SLC25A26: variants seen among roughly 807,000 people sequenced by gnomAD.
The protein encoded by SLC25A26 is solute carrier family 25 member 26.
SLC25A26 carries 36 observed loss-of-function variants against 37.8 expected under a neutral mutation model. The observed-to-expected ratio is 0.95, with a 90% CI of 0.73 to 1.26. The LOEUF is 1.26. Among genes scored for constraint, SLC25A26 ranks in the 50% most tolerant of loss-of-function variants. The pLI is 0.00. For synonymous variants in SLC25A26, 129 were observed against 122.5 expected (o/e 1.05, Z -0.35); for missense variants, 390 against 331.1 (o/e 1.18, Z -1.38).
chr3:66,231,277 A>C (rs968212337), intron 1 of SLC25A26, among the ~76,000 whole-genome samples: 1 of 152,118 alleles, frequency 6.6e-6, no homozygotes, highest in African/African-American at 2.4e-5. Context: ...GCTGCAGAGG[A>C]GGTAGCTTAG....
chr3:66,296,306 C>G (rs1250398406), intron 5 of SLC25A26, among the ~76,000 whole-genome samples: 1 of 152,154 alleles, frequency 6.6e-6, no homozygotes, highest in East Asian at 1.9e-4. Context: ...TTGCTTTGAT[C>G]TGTAAATAAC....
intron 7 of SLC25A26, among the ~76,000 whole-genome samples, chr3:66,364,208 A>G (rs1454796782): frequency 6.6e-6 from 1 of 152,218 alleles, no homozygotes; most frequent in Non-Finnish European, 1.5e-5. Context: ...GCTTGCAGAG[A>G]CATTGTTACT....
At chr3:66,366,377 T>C (rs947154081) in intron 7 of SLC25A26, among the ~76,000 whole-genome samples, 2 of 152,236 alleles carry the variant, frequency 1.3e-5, no homozygotes, top group Non-Finnish European at 2.9e-5. Flanking sequence ...TATTCTATTA[T>C]CTTCACAAGT....
intron 5 of SLC25A26, among the ~76,000 whole-genome samples, chr3:66,320,663 C>G (rs2075669957): frequency 1.3e-5 from 2 of 152,164 alleles, no homozygotes; most frequent in African/African-American, 4.8e-5. Flanking sequence ...AAGCCTCAAA[C>G]TGTTTTCCAC....
At chr3:66,343,931 A>G (rs571426534) in intron 5 of SLC25A26, among the ~76,000 whole-genome samples, 9 of 152,196 alleles carry the variant, frequency 5.9e-5, no homozygotes, top group Non-Finnish European at 1.2e-4. Context: ...TTTTTGTGAC[A>G]ATAAAAAACT....
chr3:66,337,937 A>G (rs1441738761), intron 5 of SLC25A26, among the ~76,000 whole-genome samples: 3 of 152,010 alleles, frequency 2.0e-5, no homozygotes, highest in African/African-American at 4.8e-5. Flanking sequence ...GAAATGCACA[A>G]ATTATATATG....
intron 5 of SLC25A26, among the ~76,000 whole-genome samples, chr3:66,309,101 G>A (rs1434378502): frequency 1.3e-5 from 2 of 151,930 alleles, no homozygotes; most frequent in Admixed American, 6.6e-5. Flanking sequence ...AATAGTTTCA[G>A]AAGGAATGGT....
At chr3:66,330,792 A>G (rs993158410) in intron 5 of SLC25A26, among the ~76,000 whole-genome samples, 1 of 152,144 alleles carries the variant, frequency 6.6e-6, no homozygotes, top group Non-Finnish European at 1.5e-5. Flanking sequence ...CACTTCCTCA[A>G]ATATGAAACT....
chr3:66,278,808 T>G (rs2107427764), intron 5 of SLC25A26, among the ~76,000 whole-genome samples: 1 of 152,326 alleles, frequency 6.6e-6, no homozygotes, highest in South Asian at 2.1e-4. Context: ...CTGGAAAGAC[T>G]TCTCTCAACT....
intron 3 of SLC25A26, 21 bp downstream of exon 3, chr3:66,243,333 A>C (rs782149214): frequency 8.0e-7 from 1 of 1,246,292 alleles, no homozygotes; most frequent in Non-Finnish European, 1.2e-6. Context: ...AGTTTTGTGT[A>C]TAAAATACTT....
chr3:66,140,586 C>T (rs756733899), intron 1 of SLC25A26, among the ~76,000 whole-genome samples: 67 of 152,250 alleles, frequency 4.4e-4, no homozygotes, highest in Middle Eastern at 3.4e-3. Context: ...AGAAAATGTC[C>T]GTAAATCTGT....
chr3:66,213,799 C>T (rs1275156582), intron 1 of SLC25A26, among the ~76,000 whole-genome samples: 6 of 151,986 alleles, frequency 3.9e-5, no homozygotes, highest in Non-Finnish European at 8.8e-5. Context: ...CTCCTACCCA[C>T]AATATCTGTA....
chr3:66,173,098 C>T lies in SLC25A26; in HGVS notation c.-354+39114C>T, dbSNP rs141918425. On this transcript the variant is annotated intron_variant, in intron 1 of 10. Transcript: ENST00000676754. ...TGTGTTTACTTCATTATTGTTCAGG[C>T]GCTTTCCAAATTGTGATAAGCTACC... is the stretch of plus-strand genomic sequence containing the variant. Among the ~76,000 whole-genome samples, 1,109 of 152,284 alleles carry T rather than the reference C, an allele frequency of 7.3e-3. 13 individuals carry two copies. Among genetic ancestry groups the T allele is most frequent in the African/African-American group, 0.025 (1,052 of 41,564 alleles).
intron 1 of SLC25A26, among the ~76,000 whole-genome samples, chr3:66,181,388 G>C (rs1053099314): frequency 2.6e-5 from 4 of 152,162 alleles, no homozygotes; most frequent in African/African-American, 9.7e-5. Flanking sequence ...AACAATAACA[G>C]CTTATATCTG....
Position 66,175,727 on chromosome 3 carries a change from A to C in SLC25A26, c.-354+41743A>C, listed in dbSNP as rs534005495. On this transcript the variant is annotated intron_variant, in intron 1 of 10. Coordinates refer to the SLC25A26 transcript ENST00000676754. ...GGAAAAAACCCAGTGTCTCAGATAA[A>C]AGGCAGCGAGGCAGAAGGAATTCTC... Among the ~76,000 whole-genome samples, 2 of 152,264 alleles carry C rather than the reference A, an allele frequency of 1.3e-5. 1 individual carries two copies. Among genetic ancestry groups the C allele is most frequent in the East Asian group, 3.9e-4 (2 of 5,170 alleles).
Position 66,186,707 on chromosome 3 carries a change from T to G in SLC25A26, c.-353-34035T>G, listed in dbSNP as rs1343479709. ...ACCATAACCCTGACCACCTTCATCC[T>G]TACTCTTACCCTGAGTCATATCATG... On this transcript the variant is annotated intron_variant, in intron 1 of 10. Transcript: ENST00000676754. 3.9e-5 allele frequency among the ~76,000 whole-genome samples: 6 copies of G among 152,070 alleles called. No individual in the cohort carries two copies. In the East Asian group the frequency reaches 1.2e-3, roughly 30 times the overall value.
chr3:66,346,715 CGTGTGT>C (rs34944870), intron 6 of SLC25A26, among the ~76,000 whole-genome samples: 12,550 of 138,902 alleles, frequency 0.09, 566 homozygotes, highest in Non-Finnish European at 0.097. Flanking sequence ...TTGCTGTGTG[CGTGTGT>C]GTGTGTGTGT....
chr3:66,204,061 A>G (rs2071142154), intron 1 of SLC25A26, among the ~76,000 whole-genome samples: 1 of 152,206 alleles, frequency 6.6e-6, no homozygotes, highest in Admixed American at 6.5e-5. Flanking sequence ...TTTATTAATA[A>G]TGAGATAATT....
rs1000499562 is a variant in SLC25A26, at chr3:66,362,863, C to T, written c.502C>T (p.Leu168Phe). 1 of 1,598,622 alleles carries T rather than the reference C, an allele frequency of 6.3e-7. No homozygotes were observed. The highest frequency in any genetic ancestry group is 2.3e-5 in the East Asian group (1 of 44,330). The change falls in exon 7 of 10, where the codon CTC (leucine) becomes TTC (phenylalanine). Residue 168 changes from leucine (L) to phenylalanine (F), a missense_variant. Transcript: ENST00000354883. ...TTTTCTTTCTCCTTAAACACAGGCC[C>T]TCTGGTCCTGGAGGCAGGATCATGT... ...QFPLWESLKA[L>F]WSWRQDHVVD...
Sources: gnomAD v4.1 joint callset for allele counts (sites outside exome capture counted in the v4.1 genomes callset) on GRCh38, gnomAD v4.1.1 for gene constraint, MANE v1.5 for transcripts, NCBI Gene and HGNC (gene_info 2026-07-23, HGNC 2026-07-21) for gene names.